The following ECPAS variants were observed in gnomAD, a reference collection of about 807,000 sequenced individuals.
ECPAS encodes the protein proteasome adapter and scaffold protein ECM29.
A neutral mutation model predicts 255.1 loss-of-function variants in ECPAS; 70 were observed. The ratio of observed to expected loss-of-function variants is 0.27; its 90% CI spans 0.23 to 0.33. ECPAS has a LOEUF of 0.33. Ranked by LOEUF, ECPAS falls within the 10% of genes least tolerant of loss-of-function variation. The pLI is 1.00. For synonymous variants in ECPAS, 784 were observed against 775.0 expected, an observed-to-expected ratio of 1.01 and a Z score of -0.19; for missense variants, 1,817 against 2,206.4, an observed-to-expected ratio of 0.82 and a Z score of 3.54.
intron 46 of ECPAS, among the ~76,000 whole-genome samples, chr9:111,368,321 G>A (rs545023947): frequency 2.0e-5 from 3 of 152,190 alleles, no homozygotes; most frequent in South Asian, 4.2e-4. Flanking sequence ...ACTGAAACAG[G>A]GATTTCAGTT....
At chr9:111,466,201 C>A (rs917892679) in intron 2 of ECPAS, among the ~76,000 whole-genome samples, 1 of 152,070 alleles carries the variant, frequency 6.6e-6, no homozygotes, top group African/African-American at 2.4e-5. Flanking sequence ...GTAATCCCAG[C>A]ATTTTGGGAG....
intron 43 of ECPAS, among the ~76,000 whole-genome samples, chr9:111,371,339 A>G (rs573468135): frequency 6.6e-6 from 1 of 152,284 alleles, no homozygotes; most frequent in South Asian, 2.1e-4. Flanking sequence ...AACAGGTACA[A>G]AATGCTGACA....
At chr9:111,474,713 A>C (rs943976029) in intron 1 of ECPAS, among the ~76,000 whole-genome samples, 9 of 152,188 alleles carry the variant, frequency 5.9e-5, no homozygotes, top group Non-Finnish European at 1.3e-4. Context: ...TACATCCCAC[A>C]CCAAAAATAA....
At chr9:111,389,418 T>C (rs2098155782) in intron 31 of ECPAS, 138 bp downstream of exon 31, 1 of 723,418 alleles carries the variant, frequency 1.4e-6, no homozygotes, top group East Asian at 2.9e-5. Flanking sequence ...GAAGAAAGCA[T>C]GGAATGAAAG....
rs1248093713 is a variant in ECPAS at position 111,484,160 on chromosome 9, C to G, written c.-127G>C. 5 of 1,473,804 alleles carry G rather than the reference C, an allele frequency of 3.4e-6. No homozygotes were observed. The highest frequency in any genetic ancestry group is 3.6e-6 in the Non-Finnish European group (4 of 1,115,196). The allele number at this position is 1,473,804 out of a possible 1,614,324, so 91.3% of individuals were successfully genotyped here. On this transcript the variant is annotated 5_prime_UTR_variant, in exon 1 of 50. Coordinates refer to ENST00000684092, the MANE Select transcript of ECPAS (RefSeq NM_001364929.1). ...CATGCCGCGGACGCTGCGCTCGGCG[C>G]CGCGAGGTGAGGGCTGTAGAGCGAG...
chr9:111,483,134 G>A (rs2098309162), intron 1 of ECPAS, among the ~76,000 whole-genome samples: 1 of 152,154 alleles, frequency 6.6e-6, no homozygotes, highest in Non-Finnish European at 1.5e-5. Context: ...GGGCCAGGCG[G>A]GGTCAGACGG....
chr9:111,378,830 C>G, intron 35 of ECPAS, 100 bp from the exon 36 acceptor site: 2 of 1,147,972 alleles, frequency 1.7e-6, no homozygotes, highest in Non-Finnish European at 2.4e-6. Context: ...TGCATTAAAG[C>G]ATATTTTCAC....
At chr9:111,371,451 G>A (rs757603000) in intron 43 of ECPAS, among the ~76,000 whole-genome samples, 170 bp downstream of exon 43, 12 of 152,170 alleles carry the variant, frequency 7.9e-5, no homozygotes, top group Non-Finnish European at 5.9e-5. Flanking sequence ...AGTTTGAGAG[G>A]AAATACCACA....
intron 46 of ECPAS, among the ~76,000 whole-genome samples, chr9:111,368,673 G>T (rs906745151): frequency 2.0e-5 from 3 of 152,180 alleles, no homozygotes; most frequent in Admixed American, 2.0e-4. Flanking sequence ...CAAAGACCAC[G>T]TGAAGACACA....
chr9:111,446,401 A>G (rs1038793503), intron 3 of ECPAS, among the ~76,000 whole-genome samples: 8 of 152,236 alleles, frequency 5.3e-5, no homozygotes, highest in Admixed American at 3.9e-4. Context: ...TTTAAGATAA[A>G]TATTCTGCAG....
At chr9:111,373,498 A>G in intron 39 of ECPAS, 92 bp from the exon 40 acceptor site, 1 of 954,596 alleles carries the variant, frequency 1.0e-6, no homozygotes. Context: ...CCCTGTAATT[A>G]ACATCTGATT....
intron 3 of ECPAS, among the ~76,000 whole-genome samples, chr9:111,449,657 C>T (rs536356888): frequency 3.9e-5 from 6 of 152,172 alleles, no homozygotes; most frequent in East Asian, 3.9e-4. Flanking sequence ...AAACTACTGA[C>T]GATACTAAGC....
chr9:111,471,732 T>C (rs897536091), intron 2 of ECPAS, among the ~76,000 whole-genome samples: 3 of 152,164 alleles, frequency 2.0e-5, no homozygotes, highest in African/African-American at 4.8e-5. Flanking sequence ...TTTCTCAAAA[T>C]CACAATGCAT....
In ECPAS at chr9:111,435,718, C is replaced by T. The variant is rs546500970; in HGVS notation, c.708+1222G>A. The stretch of plus-strand genomic sequence containing the variant: ...TTTTTGAGATGGAGTCTTGCTCTGT[C>T]GCCCAGGCTGGAGTGCAGTGGCACG... On this transcript the variant is annotated intron_variant, in intron 7 of 49. Transcript: ENST00000684092. Among the ~76,000 whole-genome samples the T allele has an allele frequency of 8.4e-5, 12 of 143,576 alleles. No individual in the cohort carries two copies. In the East Asian group the frequency reaches 1.2e-3, roughly 15 times the overall value. The allele number at this position is 143,576 out of a possible 152,430, so 94.2% of individuals were successfully genotyped here.
intron 9 of ECPAS, 118 bp downstream of exon 9, chr9:111,430,429 G>A (rs2098228095): frequency 1.4e-6 from 1 of 705,674 alleles, no homozygotes; most frequent in Non-Finnish European, 2.5e-6. Context: ...CTTAAAACTA[G>A]CATTTTGTTA....
chr9:111,473,998 G>T (rs2098292958), intron 1 of ECPAS, among the ~76,000 whole-genome samples: 1 of 152,084 alleles, frequency 6.6e-6, no homozygotes, highest in South Asian at 2.1e-4. Flanking sequence ...AAAAAATCTT[G>T]TAAGTTTTAT....
chr9:111,482,935 C>T (rs2098308606), intron 1 of ECPAS, among the ~76,000 whole-genome samples: 1 of 152,210 alleles, frequency 6.6e-6, no homozygotes, highest in Admixed American at 6.5e-5. Flanking sequence ...ACTCTCCTTT[C>T]TGAAAGCGCT....
intron 2 of ECPAS, among the ~76,000 whole-genome samples, chr9:111,469,314 C>T (rs545442223): frequency 7.9e-5 from 12 of 152,026 alleles, no homozygotes; most frequent in East Asian, 1.9e-4. Flanking sequence ...AGGTGAATCA[C>T]GAGGTCAGGT....
chr9:111,393,182 G>GT lies in ECPAS; in HGVS notation c.2978-301dup, dbSNP rs529872529. On this transcript the variant is annotated intron_variant, in intron 27 of 49. Coordinates refer to ENST00000684092, the MANE Select transcript of ECPAS (RefSeq NM_001364929.1). ...TGCAGCGACAGATTATCCATGGGCT[G>GT]TAAGTCATACATCAGAGATAAAACA... 3.4e-4 allele frequency among the ~76,000 whole-genome samples: 52 copies of GT among 152,292 alleles called. 1 individual carries two copies. The highest frequency in any genetic ancestry group is 2.9e-3 in the Admixed American group (45 of 15,304).
Sources: allele counts gnomAD v4.1 joint callset (sites outside exome capture counted in the v4.1 genomes callset), GRCh38; gene constraint gnomAD v4.1.1; transcripts MANE v1.5; gene names NCBI Gene and HGNC (gene_info 2026-07-23, HGNC 2026-07-21).